The following PPP3CA variants were observed in gnomAD, a reference collection of about 807,000 sequenced individuals.
The protein encoded by PPP3CA is protein phosphatase 3 catalytic subunit alpha.
A neutral mutation model predicts 66.5 loss-of-function variants in PPP3CA; 14 were observed. The observed-to-expected ratio is 0.21, with a 90% CI of 0.14 to 0.33. PPP3CA has a LOEUF of 0.33. PPP3CA is among the 10% of genes least tolerant of loss of function. The probability of loss-of-function intolerance (pLI) is 1.00; values close to 1 mark genes in which losing one functional copy is unlikely to be tolerated. For missense variants in PPP3CA, 317 were observed against 639.5 expected, an observed-to-expected ratio of 0.50 and a Z score of 5.44; for synonymous variants, 232 against 226.2, an observed-to-expected ratio of 1.03 and a Z score of -0.23.
At chr4:101,182,554 A>G (rs1724273972) in intron 2 of PPP3CA, among the ~76,000 whole-genome samples, 1 of 152,192 alleles carries the variant, frequency 6.6e-6, no homozygotes, top group Non-Finnish European at 1.5e-5. Flanking sequence ...TTAGAGAAAC[A>G]AAGACAATCA....
chr4:101,165,634 A>G (rs965487617), intron 2 of PPP3CA, among the ~76,000 whole-genome samples: 2 of 152,202 alleles, frequency 1.3e-5, no homozygotes, highest in African/African-American at 4.8e-5. Context: ...TTCAAATATT[A>G]TAATACTTAC....
intron 2 of PPP3CA, among the ~76,000 whole-genome samples, chr4:101,131,748 C>G (rs961617512): frequency 6.6e-6 from 1 of 152,160 alleles, no homozygotes; most frequent in African/African-American, 2.4e-5. Flanking sequence ...CTGGACCAAG[C>G]AGACCTAATA....
chr4:101,152,355 G>A (rs1336812863), intron 2 of PPP3CA, among the ~76,000 whole-genome samples: 3 of 152,138 alleles, frequency 2.0e-5, no homozygotes, highest in Non-Finnish European at 4.4e-5. Context: ...TAGCAGAAGT[G>A]TTTGTAAGTA....
chr4:101,037,346 T>C (rs1394234251), intron 11 of PPP3CA, among the ~76,000 whole-genome samples: 1 of 152,250 alleles, frequency 6.6e-6, no homozygotes, highest in Non-Finnish European at 1.5e-5. Context: ...AACAGACTTG[T>C]ATTTTATCTG....
intron 8 of PPP3CA, among the ~76,000 whole-genome samples, chr4:101,076,704 T>A (rs1015644573): frequency 3.9e-5 from 6 of 152,178 alleles, no homozygotes; most frequent in Non-Finnish European, 7.3e-5. Flanking sequence ...AGACAGGTGA[T>A]AATGGTAGTT....
chr4:101,034,154 C>T (rs1469171556), intron 11 of PPP3CA, among the ~76,000 whole-genome samples: 31 of 152,128 alleles, frequency 2.0e-4, no homozygotes, highest in Non-Finnish European at 5.9e-5. Context: ...CTCTCCTGTT[C>T]GCACCCATCT....
chr4:101,253,632 G>A (rs1726745717), intron 1 of PPP3CA, among the ~76,000 whole-genome samples: 1 of 152,038 alleles, frequency 6.6e-6, no homozygotes, highest in African/African-American at 2.4e-5. Flanking sequence ...AACATTATCT[G>A]ATTTTCTCTG....
intron 3 of PPP3CA, among the ~76,000 whole-genome samples, chr4:101,100,272 A>G (rs1730383618): frequency 1.3e-5 from 2 of 152,068 alleles, no homozygotes; most frequent in Admixed American, 1.3e-4. Flanking sequence ...ATACAGACGC[A>G]GTTCAAGTTA....
At chr4:101,265,122 T>C (rs985875180) in intron 1 of PPP3CA, among the ~76,000 whole-genome samples, 2 of 152,178 alleles carry the variant, frequency 1.3e-5, no homozygotes, top group Non-Finnish European at 2.9e-5. Flanking sequence ...TATGAAATAA[T>C]GCAATAGAGC....
chr4:101,171,694 G>T (rs1010775473), intron 2 of PPP3CA, among the ~76,000 whole-genome samples: 5 of 152,094 alleles, frequency 3.3e-5, no homozygotes, highest in African/African-American at 1.2e-4. Flanking sequence ...CTTTGTAGAA[G>T]AATTTATTCT....
At chr4:101,098,230 A>T in intron 5 of PPP3CA, 137 bp downstream of exon 5, 1 of 941,978 alleles carries the variant, frequency 1.1e-6, no homozygotes, top group South Asian at 2.5e-5. Context: ...AATTTAACAC[A>T]AAGGAGCGAT....
chr4:101,220,270 C>G (rs1488634628), intron 1 of PPP3CA, among the ~76,000 whole-genome samples: 1 of 145,492 alleles, frequency 6.9e-6, no homozygotes, highest in African/African-American at 2.5e-5. Context: ...ATACCCAAAG[C>G]TTTCTTTTTC....
intron 1 of PPP3CA, among the ~76,000 whole-genome samples, chr4:101,280,279 C>T (rs903344179): frequency 6.6e-6 from 1 of 152,076 alleles, no homozygotes; most frequent in Non-Finnish European, 1.5e-5. Flanking sequence ...GAGACTAAGC[C>T]ATGTGGGTAT....
At chr4:101,223,913 A>G (rs1725702172) in intron 1 of PPP3CA, among the ~76,000 whole-genome samples, 1 of 151,846 alleles carries the variant, frequency 6.6e-6, no homozygotes. Flanking sequence ...GTACCAGAAA[A>G]GTCAACAGTC....
At position 101,339,271 on chromosome 4, in the gene PPP3CA, AG is replaced by A. The variant is rs755354954; in HGVS notation, c.58+7467del. Among the ~76,000 whole-genome samples, 14 of 152,380 alleles carry A rather than the reference AG, an allele frequency of 9.2e-5. No individual in the cohort carries two copies. The East Asian group carries it at 2.3e-3, about 25-fold the overall frequency. On this transcript the variant is annotated intron_variant, in intron 1 of 13. Transcript: ENST00000394854. ...AATTTACCAGGTCATTTTATCTTCA[AG>A]TCCAAATCTAGACAATAACTAAAAT...
chr4:101,249,425 T>C (rs189606828), intron 1 of PPP3CA, among the ~76,000 whole-genome samples: 135 of 152,198 alleles, frequency 8.9e-4, no homozygotes, highest in Non-Finnish European at 1.6e-3. Flanking sequence ...TACAATAAAT[T>C]ACCTTGGAAC....
chr4:101,275,777 T>G (rs191306531), intron 1 of PPP3CA, among the ~76,000 whole-genome samples: 1 of 152,206 alleles, frequency 6.6e-6, no homozygotes, highest in African/African-American at 2.4e-5. Context: ...AAGCTTGTTA[T>G]GTGCAAGGTC....
intron 2 of PPP3CA, among the ~76,000 whole-genome samples, chr4:101,133,084 T>C (rs1722502718): frequency 6.6e-6 from 1 of 152,118 alleles, no homozygotes; most frequent in Non-Finnish European, 1.5e-5. Flanking sequence ...AAACTAGGTA[T>C]TGATAGAACG....
Position 101,112,877 on chromosome 4 carries a change from C to T in PPP3CA, c.260-3799G>A, listed in dbSNP as rs540769545. Among the ~76,000 whole-genome samples the T allele has an allele frequency of 3.9e-5, 6 of 152,132 alleles. No homozygotes were observed. The South Asian group carries it at 8.3e-4, about 21-fold the overall frequency. ...AGCTGGATAACTTGTCAGTCTTGTC[C>T]GCCATATCCCCAGTGCCTAGACACT... On this transcript the variant is annotated intron_variant, in intron 2 of 13. Coordinates refer to ENST00000394854, the MANE Select transcript of PPP3CA (RefSeq NM_000944.5).
Sources: gnomAD v4.1 joint callset for allele counts (sites outside exome capture counted in the v4.1 genomes callset) on GRCh38, gnomAD v4.1.1 for gene constraint, MANE v1.5 for transcripts, NCBI Gene and HGNC (gene_info 2026-07-23, HGNC 2026-07-21) for gene names.